Variants in SNRPB2 observed in about 807,000 individuals in gnomAD.
SNRPB2 encodes the protein small nuclear ribonucleoprotein polypeptide B2.
A neutral mutation model predicts 26.3 loss-of-function variants in SNRPB2; 16 were observed. The observed-to-expected ratio is 0.61, with a 90% confidence interval of 0.41 to 0.92. SNRPB2 has a LOEUF of 0.92. SNRPB2 is among the 40% of genes least tolerant of loss of function. SNRPB2 has a pLI of 0.00. For missense variants in SNRPB2, 179 were observed against 268.1 expected, an observed-to-expected ratio of 0.67 and a Z score of 2.32; for synonymous variants, 75 against 89.0, an observed-to-expected ratio of 0.84 and a Z score of 0.88.
chr20:16,734,838 G>A (rs959732928), intron 3 of SNRPB2, among the ~76,000 whole-genome samples: 4 of 152,214 alleles, frequency 2.6e-5, no homozygotes, highest in Non-Finnish European at 4.4e-5. Context: ...TGTTTTCACA[G>A]GTGACTAGGT....
At position 16,732,207 on chromosome 20, in the gene SNRPB2, T is replaced by C; in HGVS notation, c.108T>C (p.His36=). 1.9e-6 allele frequency: 3 copies of C among 1,605,406 alleles called. No homozygotes were observed. The highest frequency in any genetic ancestry group is 2.6e-6 in the Non-Finnish European group (3 of 1,174,556). ...SLYALFSQFG[H]VVDIVALKTM... Reference sequence around the variant, plus strand: ...ATGCCCTGTTTTCTCAGTTTGGTCATGTGGTGGACATTGTGGCTTTAAAGA... The same window carrying C: ...ATGCCCTGTTTTCTCAGTTTGGTCACGTGGTGGACATTGTGGCTTTAAAGA... The change falls in exon 3 of 7, where the codon CAT becomes CAC. Residue 36 remains histidine, a synonymous_variant. Coordinates refer to ENST00000246071, the MANE Select transcript of SNRPB2 (RefSeq NM_003092.5).
Position 16,730,066 on chromosome 20 carries a change from T to G in SNRPB2, c.-134T>G, listed in dbSNP as rs1054732837. Reference sequence around the variant, plus strand: ...TACAGTAGTCGGCGTAGGCCTTAGGTGGGTTCGTGCGCCTTCTACCTCGCT... The same window carrying G: ...TACAGTAGTCGGCGTAGGCCTTAGGGGGGTTCGTGCGCCTTCTACCTCGCT... On this transcript the variant is annotated 5_prime_UTR_variant, in exon 1 of 7. Transcript: ENST00000246071. 4.9e-4 allele frequency: 75 copies of G among 152,510 alleles called. No homozygotes were observed. Among genetic ancestry groups the G allele is most frequent in the African/African-American group, 1.4e-3 (59 of 41,552 alleles). 9.4% of individuals were successfully genotyped at this position (152,510 alleles called of 1,614,324 possible). A position where few individuals can be genotyped will look rare whatever the true frequency, so the allele number is the denominator to read the frequency against.
In SNRPB2 at chr20:16,738,897, C is replaced by T; in HGVS notation, c.424C>T (p.Pro142Ser). 2.8e-5 allele frequency: 45 copies of T among 1,602,924 alleles called. No homozygotes were observed. The highest frequency in any genetic ancestry group is 3.8e-5 in the Non-Finnish European group (45 of 1,170,152). ...ANTQGNSTPN[P>S]QVPDYPPNYI... The stretch of plus-strand genomic sequence containing the variant: ...TACCCAAGGAAATTCAACACCAAAT[C>T]CTCAGGTAATTTTTTTTCCATGTCG... The change falls in exon 5 of 7, where the codon CCT (proline) becomes TCT (serine). Residue 142 changes from proline (P) to serine (S), a missense_variant. Physicochemically the swap from Pro to Ser is moderately conservative, Grantham distance 74. Around this residue, in one of 2 missense-constraint regions of SNRPB2, gnomAD observed 145 missense variants for 180.7 expected, o/e 0.80. Coordinates refer to ENST00000246071, the MANE Select transcript of SNRPB2 (RefSeq NM_003092.5).
Position 16,740,995 on chromosome 20 carries a change from C to A in SNRPB2, c.668C>A (p.Ala223Asp). ...TCCCATGCTATGAAGATCACCTATG[C>A]CAAGAAATAACATTTGGGATAGTCG... ...TPSHAMKITYAKK is the reference protein window; with the variant it reads ...TPSHAMKITYDKK The change falls in exon 7 of 7, where the codon GCC (alanine) becomes GAC (aspartate). Residue 223 changes from alanine to aspartate, a missense_variant. Physicochemically the swap from Ala to Asp is moderately radical, Grantham distance 126. Coordinates refer to ENST00000246071, the MANE Select transcript of SNRPB2 (RefSeq NM_003092.5). The A allele has an allele frequency of 6.2e-7, 1 of 1,606,310 alleles. No homozygotes were observed. The highest frequency in any genetic ancestry group is 1.1e-5 in the South Asian group (1 of 90,170).
chr20:16,737,387 A>T lies in SNRPB2; in HGVS notation c.364A>T (p.Lys122Ter). Residue 122 changes from lysine (K) to a stop codon, truncating the protein, a stop_gained, in exon 4 of 7, where the codon AAA becomes TAA. Transcript: ENST00000246071. LOFTEE classifies it high-confidence loss of function. Reference sequence around the variant, plus strand: ...GGAACAGACTGCAACAACCACAAACAAAAAGCCTGGCCAGGTAAGAAAGAC... The same window carrying T: ...GGAACAGACTGCAACAACCACAAACTAAAAGCCTGGCCAGGTAAGAAAGAC... ...TVEQTATTTN[K>*]KPGQGTPNSA... is the part of the protein sequence containing the mutation. The T allele has an allele frequency of 6.3e-7, 1 of 1,585,266 alleles. No homozygotes were observed. Among genetic ancestry groups the T allele is most frequent in the Non-Finnish European group, 8.5e-7 (1 of 1,172,996 alleles).
At chr20:16,736,526 G>T (rs770305645) in intron 3 of SNRPB2, among the ~76,000 whole-genome samples, 7 of 152,142 alleles carry the variant, frequency 4.6e-5, no homozygotes, top group Non-Finnish European at 1.0e-4. Flanking sequence ...ATTAAAAATG[G>T]TTTAAAAGAA....
chr20:16,738,706 A>G (rs2072444141), intron 4 of SNRPB2, 146 bp from the exon 5 acceptor site: 2 of 660,496 alleles, frequency 3.0e-6, no homozygotes, highest in Non-Finnish European at 5.4e-6. Flanking sequence ...GTGTTAAGAT[A>G]TAAATTCTTA....
At position 16,738,852 on chromosome 20, in the gene SNRPB2, G is replaced by A. The variant is rs770109949; in HGVS notation, c.379G>A (p.Gly127Arg). ...ATTTNKKPGQ[G>R]TPNSANTQGN... is the part of the protein sequence containing the mutation. ...AACTCTCCCTATTTATTTTGCTTAG[G>A]GAACTCCAAATTCAGCTAATACCCA... Residue 127 changes from glycine (G) to arginine (R), a missense_variant and splice_region_variant, in exon 5 of 7, where the codon GGA (glycine) becomes AGA (arginine). Transcript: ENST00000246071. 4 of 1,590,202 alleles carry A rather than the reference G, an allele frequency of 2.5e-6. No homozygotes were observed. In the Admixed American group the frequency reaches 5.0e-5, roughly 20 times the overall value.
intron 6 of SNRPB2, 94 bp downstream of exon 6, chr20:16,740,507 A>G: frequency 6.5e-7 from 1 of 1,535,662 alleles, no homozygotes; most frequent in Non-Finnish European, 8.7e-7. Flanking sequence ...CACAGCAGTA[A>G]TTCCTTACAG....
At chr20:16,731,239 C>T (rs2072388145) in intron 1 of SNRPB2, among the ~76,000 whole-genome samples, 1 of 152,166 alleles carries the variant, frequency 6.6e-6, no homozygotes, top group African/African-American at 2.4e-5. Context: ...TATGGAAGGA[C>T]TTTGTAAGTG....
intron 3 of SNRPB2, among the ~76,000 whole-genome samples, chr20:16,736,866 C>T (rs990585828): frequency 6.6e-6 from 1 of 152,188 alleles, no homozygotes; most frequent in East Asian, 1.9e-4. Context: ...TGAGCCAGAT[C>T]CTCAGGCACT....
intron 5 of SNRPB2, among the ~76,000 whole-genome samples, chr20:16,739,457 C>T (rs1201244827): frequency 6.6e-6 from 1 of 152,000 alleles, no homozygotes; most frequent in African/African-American, 2.4e-5. Context: ...CAGTAATGTG[C>T]TGATGGTTTC....
chr20:16,735,430 C>A (rs2423995), intron 3 of SNRPB2, among the ~76,000 whole-genome samples: 72,783 of 151,918 alleles, frequency 0.48, 19,325 homozygotes, highest in African/African-American at 0.72. Flanking sequence ...GCAGATAGTC[C>A]TACCTAGATA....
At chr20:16,731,205 T>C (rs2072387863) in intron 1 of SNRPB2, among the ~76,000 whole-genome samples, 1 of 152,226 alleles carries the variant, frequency 6.6e-6, no homozygotes, top group Admixed American at 6.5e-5. Flanking sequence ...GACAGCTTGG[T>C]GATGCTGTAT....
At chr20:16,734,413 A>G (rs909339568) in intron 3 of SNRPB2, among the ~76,000 whole-genome samples, 27 of 152,328 alleles carry the variant, frequency 1.8e-4, no homozygotes, top group African/African-American at 6.3e-4. Flanking sequence ...CTTGGAACTC[A>G]GAACAGAATT....
chr20:16,737,433 T>C (rs755746645), intron 4 of SNRPB2, 32 bp downstream of exon 4: 3 of 1,560,936 alleles, frequency 1.9e-6, no homozygotes, highest in South Asian at 2.5e-5. Flanking sequence ...CCTGTTTGTA[T>C]TGGTGTTAAA....
chr20:16,730,587 T>A (rs2122495368), intron 1 of SNRPB2: 1 of 152,276 alleles, frequency 6.6e-6, no homozygotes, highest in South Asian at 2.1e-4. Context: ...AGATTTCGAT[T>A]TAGGGGGTCG....
At chr20:16,736,401 T>C (rs1373798497) in intron 3 of SNRPB2, among the ~76,000 whole-genome samples, 1 of 152,106 alleles carries the variant, frequency 6.6e-6, no homozygotes, top group Admixed American at 6.5e-5. Context: ...TCTTTACAAA[T>C]GTTACAACTC....
intron 1 of SNRPB2, chr20:16,730,916 A>G (rs2072385575): frequency 7.0e-6 from 1 of 142,940 alleles, no homozygotes. Context: ...AATAGCTGTT[A>G]ATAATAGCTA....
Sources: gnomAD v4.1 joint callset for allele counts (sites outside exome capture counted in the v4.1 genomes callset) on GRCh38, gnomAD v4.1.1 for gene constraint, gnomAD v4.1.1 regional missense constraint, MANE v1.5 for transcripts, NCBI Gene and HGNC (gene_info 2026-07-23, HGNC 2026-07-21) for gene names.